The following USP40 variants were observed in gnomAD, a reference collection of about 807,000 sequenced individuals.
The protein encoded by USP40 is ubiquitin carboxyl-terminal hydrolase 40.
USP40 carries 143 observed loss-of-function variants against 166.2 expected under a neutral mutation model. That is an observed-to-expected ratio of 0.86 (90% CI 0.75 to 0.99). USP40 has a LOEUF of 0.99. USP40 is among the 50% of genes least tolerant of loss of function. The pLI is 0.00. For synonymous variants in USP40, 498 were observed against 524.0 expected (o/e 0.95, Z 0.68); for missense variants, 1,444 against 1,479.7 (o/e 0.98, Z 0.40).
intron 10 of USP40, among the ~76,000 whole-genome samples, chr2:233,534,547 C>T (rs2068799858): frequency 1.2e-4 from 18 of 152,106 alleles, no homozygotes; most frequent in Admixed American, 1.1e-3. Flanking sequence ...GCTAATTTTT[C>T]TCTTGGAAAG....
Position 233,549,654 on chromosome 2 carries a change from T to C in USP40, c.838-425A>G, listed in dbSNP as rs533731232. Among the ~76,000 whole-genome samples, 818 of 148,402 alleles carry C rather than the reference T, an allele frequency of 5.5e-3. 5 individuals are homozygous for C. Among genetic ancestry groups the C allele is most frequent in the African/African-American group, 0.019 (772 of 40,472 alleles). On this transcript the variant is annotated intron_variant, in intron 7 of 31. Transcript: ENST00000678225. ...TTTTAAAATGCATCCCCTTTTTTTA[T>C]TGATATATATCTAGTTGAAATTGTC...
intron 8 of USP40, among the ~76,000 whole-genome samples, chr2:233,544,691 A>G (rs929145048): frequency 6.6e-6 from 1 of 152,166 alleles, no homozygotes; most frequent in African/African-American, 2.4e-5. Flanking sequence ...GACCAAATAT[A>G]TACTTCTTAA....
chr2:233,517,419 CT>C (rs2067295065), intron 18 of USP40, among the ~76,000 whole-genome samples: 1 of 139,244 alleles, frequency 7.2e-6, no homozygotes, highest in African/African-American at 2.7e-5. Flanking sequence ...GAGTCTCGCT[CT>C]GTCACCCAGG....
intron 21 of USP40, among the ~76,000 whole-genome samples, chr2:233,509,838 T>TAAAAAAAAA (rs746629187): frequency 1.2e-5 from 1 of 80,826 alleles, no homozygotes; most frequent in Non-Finnish European, 2.5e-5. Context: ...TGAGACTCTC[T>TAAAAAAAAA]AAAAAAAAAA....
chr2:233,498,520 A>G lies in USP40; in HGVS notation c.2715+28T>C, dbSNP rs370078049. Reference sequence around the variant, plus strand: ...AATATGACATAAATGTAATCATACGAAAGTACAATGTATAGAAATCATCTT... The same window carrying G: ...AATATGACATAAATGTAATCATACGGAAGTACAATGTATAGAAATCATCTT... On this transcript the variant is annotated intron_variant, in intron 23 of 31. Coordinates refer to ENST00000678225, the MANE Select transcript of USP40 (RefSeq NM_001365479.2). The G allele has an allele frequency of 3.5e-4, 554 of 1,595,052 alleles. 1 individual carries two copies. Among genetic ancestry groups the G allele is most frequent in the Non-Finnish European group, 4.4e-4 (513 of 1,168,518 alleles).
intron 2 of USP40, among the ~76,000 whole-genome samples, chr2:233,564,706 T>TTA (rs921244529): frequency 5.9e-5 from 9 of 152,200 alleles, no homozygotes; most frequent in Non-Finnish European, 8.8e-5. Flanking sequence ...AAAGTGTTTT[T>TTA]TATATATATA....
intron 1 of USP40, 36 bp downstream of exon 1, chr2:233,566,648 T>G (rs2125423990): frequency 1.0e-6 from 1 of 976,216 alleles, no homozygotes; most frequent in Admixed American, 6.1e-5. Context: ...GCTTCCCACG[T>G]CCCTCCCAGG....
At chr2:233,544,604 T>G (rs2069732216) in intron 8 of USP40, among the ~76,000 whole-genome samples, 1 of 152,098 alleles carries the variant, frequency 6.6e-6, no homozygotes, top group Admixed American at 6.5e-5. Flanking sequence ...AGGGGCCCAT[T>G]ATGAATAACA....
At chr2:233,545,322 A>G (rs1409185303) in intron 8 of USP40, among the ~76,000 whole-genome samples, 1 of 152,224 alleles carries the variant, frequency 6.6e-6, no homozygotes, top group African/African-American at 2.4e-5. Context: ...AGCCCAACAT[A>G]TGACAAGTTG....
intron 22 of USP40, among the ~76,000 whole-genome samples, chr2:233,499,627 A>G (rs2065947545): frequency 6.6e-6 from 1 of 152,150 alleles, no homozygotes; most frequent in Non-Finnish European, 1.5e-5. Context: ...TCCCACCAAC[A>G]CTGTAAAACA....
At chr2:233,545,688 GTCCTGAAAACTAC>G (rs1197763859) in intron 8 of USP40, 1 of 195,820 alleles carries the variant, frequency 5.1e-6, no homozygotes, top group Non-Finnish European at 1.1e-5. Context: ...CACGAGATTG[GTCCTGAAAACTAC>G]TCCTTACAGG....
chr2:233,536,072 A>G (rs1245260547), intron 10 of USP40, among the ~76,000 whole-genome samples: 22 of 152,188 alleles, frequency 1.4e-4, no homozygotes, highest in Admixed American at 1.4e-3. Context: ...CATGCAAAGA[A>G]ACAGGACAAT....
chr2:233,522,146 T>C (rs2067701100), intron 16 of USP40, among the ~76,000 whole-genome samples: 1 of 152,144 alleles, frequency 6.6e-6, no homozygotes, highest in South Asian at 2.1e-4. Context: ...AGTCTACAAA[T>C]CTCAAGGTTG....
chr2:233,481,327 T>C, intron 30 of USP40, 30 bp from the exon 31 acceptor site: 1 of 1,553,716 alleles, frequency 6.4e-7, no homozygotes, highest in East Asian at 2.3e-5. Context: ...ATGAGCAGTG[T>C]TTTCTGACAT....
intron 5 of USP40, chr2:233,556,590 A>C: frequency 4.8e-6 from 1 of 209,822 alleles, no homozygotes; most frequent in Non-Finnish European, 9.4e-6. Context: ...ACAGTCTTCT[A>C]TTTGTAAATA....
At chr2:233,507,550 T>G (rs997282197) in intron 21 of USP40, among the ~76,000 whole-genome samples, 1 of 151,640 alleles carries the variant, frequency 6.6e-6, no homozygotes, top group African/African-American at 2.4e-5. Flanking sequence ...GAAGACATCA[T>G]GTTAAGTGAA....
At chr2:233,558,001 CAA>C (rs71058563) in intron 4 of USP40, among the ~76,000 whole-genome samples, 38 of 51,350 alleles carry the variant, frequency 7.4e-4, no homozygotes, top group African/African-American at 2.7e-3. Context: ...GACCTCATCT[CAA>C]AAAAAAAAAA....
chr2:233,517,503 G>C (rs983578770), intron 18 of USP40, among the ~76,000 whole-genome samples: 2 of 150,766 alleles, frequency 1.3e-5, no homozygotes, highest in Non-Finnish European at 2.9e-5. Context: ...TCCAGCCTCA[G>C]CCTCCCCAGT....
chr2:233,505,255 T>C (rs1431059857), intron 21 of USP40, among the ~76,000 whole-genome samples: 1 of 152,012 alleles, frequency 6.6e-6, no homozygotes, highest in Non-Finnish European at 1.5e-5. Flanking sequence ...AGATTTCTAC[T>C]AAACAACCTA....
Sources: allele counts gnomAD v4.1 joint callset (sites outside exome capture counted in the v4.1 genomes callset), GRCh38; gene constraint gnomAD v4.1.1; transcripts MANE v1.5; gene names NCBI Gene and HGNC (gene_info 2026-07-23, HGNC 2026-07-21).